Variants in PKNOX2 observed in about 807,000 individuals in gnomAD.
PKNOX2 encodes the protein homeobox protein PKNOX2.
Under a neutral mutation model 53.1 loss-of-function variants are expected in PKNOX2, and 14 were observed. The ratio of observed to expected loss-of-function variants is 0.26; its 90% CI spans 0.17 to 0.41. The LOEUF is 0.41. PKNOX2 is among the 10% of genes least tolerant of loss of function. PKNOX2 has a pLI of 1.00. For missense variants in PKNOX2, 496 were observed against 602.8 expected (o/e 0.82, Z 1.85); for synonymous variants, 257 against 242.8 (o/e 1.06, Z -0.54).
intron 1 of PKNOX2, among the ~76,000 whole-genome samples, chr11:125,214,926 T>C (rs1364520999): frequency 3.3e-5 from 5 of 151,820 alleles, no homozygotes; most frequent in Non-Finnish European, 7.4e-5. Flanking sequence ...GGAGGAGAGA[T>C]AAAGGCGTGA....
At chr11:125,221,638 GTA>G (rs1941162650) in intron 1 of PKNOX2, among the ~76,000 whole-genome samples, 1 of 152,184 alleles carries the variant, frequency 6.6e-6, no homozygotes, top group African/African-American at 2.4e-5. Flanking sequence ...CTGAGTTTAA[GTA>G]GCTTGTTATT....
chr11:125,352,061 G>A lies in PKNOX2; in HGVS notation c.87+669G>A, dbSNP rs1196152987. Among the ~76,000 whole-genome samples the A allele has an allele frequency of 1.3e-5, 2 of 151,864 alleles. No individual in the cohort carries two copies. Among genetic ancestry groups the A allele is most frequent in the African/African-American group, 4.8e-5 (2 of 41,310 alleles). ...ATGCCCCTCCTCAGCAGTGCCTTCT[G>A]GCTGTCTTCATGCTGCCTGCCCTTC... On this transcript the variant is annotated intron_variant, in intron 4 of 12. Transcript: ENST00000298282. This position sits in a 1 kb window ranked among gnomAD's most constrained non-coding sequence, Gnocchi z 4.1.
rs577065789 is a variant in PKNOX2 at position 125,316,194 on chromosome 11, C to G, written c.-129-15625C>G. ...TTCCCAGCCAGTTGCTACTGACTCA[C>G]CCCTCTTTAGTGGTCGTCCATCCAC... is the stretch of plus-strand genomic sequence containing the variant. On this transcript the variant is annotated intron_variant, in intron 2 of 12. Coordinates refer to ENST00000298282, the MANE Select transcript of PKNOX2 (RefSeq NM_001382323.2). Among the ~76,000 whole-genome samples, 5 of 152,302 alleles carry G rather than the reference C, an allele frequency of 3.3e-5. No individual in the cohort carries two copies. The South Asian group carries it at 1.0e-3, about 32-fold the overall frequency.
At chr11:125,206,396 G>A (rs933458408) in intron 1 of PKNOX2, among the ~76,000 whole-genome samples, 4 of 152,072 alleles carry the variant, frequency 2.6e-5, no homozygotes, top group Non-Finnish European at 5.9e-5. Context: ...ATGCGTGGAG[G>A]CATGAACCAG....
In PKNOX2 at chr11:125,185,815, T is replaced by C. The variant is rs1956415178; in HGVS notation, c.-201+21039T>C. ...CTATTGTGAGTAATGCTGCAAGTAT[T>C]GCATATCAATACTTACATTGATATG... On this transcript the variant is annotated intron_variant, in intron 1 of 12. Transcript: ENST00000298282. Among the ~76,000 whole-genome samples, 10 of 152,336 alleles carry C rather than the reference T, an allele frequency of 6.6e-5. No individual in the cohort carries two copies. In the South Asian group the frequency reaches 2.1e-3, roughly 32 times the overall value.
chr11:125,379,326 C>T lies in PKNOX2; in HGVS notation c.228-6225C>T, dbSNP rs112836529. Among the ~76,000 whole-genome samples, 1,473 of 152,206 alleles carry T rather than the reference C, an allele frequency of 9.7e-3. 15 individuals are homozygous for T. Among genetic ancestry groups the T allele is most frequent in the Middle Eastern group, 0.037 (11 of 294 alleles). ...ATCCACCCGCCTCAGCCTCCCAAAG[C>T]GCTGGGGATTACAGGCGTGAGCCAC... On this transcript the variant is annotated intron_variant, in intron 5 of 12. Transcript: ENST00000298282.
chr11:125,339,528 G>C (rs1950577939), intron 3 of PKNOX2, among the ~76,000 whole-genome samples: 1 of 152,200 alleles, frequency 6.6e-6, no homozygotes, highest in South Asian at 2.1e-4. Context: ...AGCTGTGGGT[G>C]GTCCCTGGAA....
At chr11:125,315,061 C>T (rs1451875625) in intron 2 of PKNOX2, among the ~76,000 whole-genome samples, 1 of 152,078 alleles carries the variant, frequency 6.6e-6, no homozygotes, top group African/African-American at 2.4e-5. Context: ...CTCTCCGGCC[C>T]TTGGTTCTAC....
chr11:125,308,449 C>A (rs1266500842), intron 2 of PKNOX2, among the ~76,000 whole-genome samples: 2 of 152,214 alleles, frequency 1.3e-5, no homozygotes, highest in African/African-American at 4.8e-5. Context: ...AGGAGAAGCA[C>A]AAGAGAAGAT....
intron 7 of PKNOX2, among the ~76,000 whole-genome samples, chr11:125,401,442 C>T (rs1258749038): frequency 6.6e-6 from 1 of 152,200 alleles, no homozygotes; most frequent in African/African-American, 2.4e-5. Flanking sequence ...CCTGCATTTT[C>T]TCTGACTGCC....
chr11:125,195,369 G>C (rs751507781), intron 1 of PKNOX2, among the ~76,000 whole-genome samples: 1 of 152,102 alleles, frequency 6.6e-6, no homozygotes, highest in Non-Finnish European at 1.5e-5. Context: ...TAAGTAAGTA[G>C]GTGATATTAT....
chr11:125,169,074 C>T (rs949927260), intron 1 of PKNOX2, among the ~76,000 whole-genome samples: 3 of 152,114 alleles, frequency 2.0e-5, no homozygotes, highest in African/African-American at 7.2e-5. Context: ...ACAAGGACTG[C>T]GATGCTGTAA....
chr11:125,201,085 T>C (rs534936635), intron 1 of PKNOX2, among the ~76,000 whole-genome samples: 2 of 152,310 alleles, frequency 1.3e-5, no homozygotes, highest in African/African-American at 4.8e-5. Flanking sequence ...TCATTGCTCA[T>C]TTTAGCTCCT....
intron 1 of PKNOX2, among the ~76,000 whole-genome samples, chr11:125,222,787 A>ATGTGTGTGTGTGTGTGCGTGTGTATG (rs1941342844): frequency 7.4e-6 from 1 of 134,584 alleles, no homozygotes; most frequent in Non-Finnish European, 1.6e-5. Flanking sequence ...GTATGTGTGT[A>ATGTGTGTGTGTGTGTGCGTGTGTATG]TGTGTGTGTG....
intron 4 of PKNOX2, among the ~76,000 whole-genome samples, chr11:125,367,433 C>T (rs1005590064): frequency 1.3e-5 from 2 of 152,206 alleles, no homozygotes; most frequent in African/African-American, 2.4e-5. Context: ...TGTGTCCAAA[C>T]GACAGCTGAT....
intron 1 of PKNOX2, among the ~76,000 whole-genome samples, chr11:125,192,473 C>T (rs1956936903): frequency 6.6e-6 from 1 of 152,186 alleles, no homozygotes; most frequent in Admixed American, 6.5e-5. Flanking sequence ...TAAATGATGT[C>T]CTTTAACCTG....
At chr11:125,388,621 G>T (rs1953814964) in intron 6 of PKNOX2, among the ~76,000 whole-genome samples, 1 of 152,042 alleles carries the variant, frequency 6.6e-6, no homozygotes, top group Non-Finnish European at 1.5e-5. Flanking sequence ...GCTGGGCCCT[G>T]CTTTCTCCCA....
rs112397327 is a variant in PKNOX2 at position 125,204,247 on chromosome 11, G to C, written c.-200-30798G>C. ...TGGGTAGCAGGGCCTTGGTTTTGGA[G>C]TTAAGTCTCCGGGGAGAAGGGGTGA... On this transcript the variant is annotated intron_variant, in intron 1 of 12. Coordinates refer to ENST00000298282, the MANE Select transcript of PKNOX2 (RefSeq NM_001382323.2). Among the ~76,000 whole-genome samples, 1,280 of 152,270 alleles carry C rather than the reference G, an allele frequency of 8.4e-3. 13 individuals carry two copies. The highest frequency in any genetic ancestry group is 0.029 in the African/African-American group (1,186 of 41,532).
intron 5 of PKNOX2, among the ~76,000 whole-genome samples, chr11:125,382,955 C>T (rs893938130): frequency 7.2e-5 from 11 of 152,246 alleles, no homozygotes; most frequent in African/African-American, 2.6e-4. Context: ...GCAGACTGCA[C>T]ACCGAGTCTG....
Sources: gnomAD v4.1 joint callset for allele counts (sites outside exome capture counted in the v4.1 genomes callset) on GRCh38, gnomAD v4.1.1 for gene constraint, Gnocchi (gnomAD v3.1) non-coding constraint, MANE v1.5 for transcripts, NCBI Gene and HGNC (gene_info 2026-07-23, HGNC 2026-07-21) for gene names.